MCUR1: variants seen among roughly 807,000 people sequenced by gnomAD.
MCUR1 encodes the protein MCU regulator 1.
A neutral mutation model predicts 42.0 loss-of-function variants in MCUR1; 37 were observed. The ratio of observed to expected loss-of-function variants is 0.88; its 90% CI spans 0.68 to 1.16. The LOEUF is 1.16. Ranked by LOEUF, MCUR1 falls within the 50% of genes most tolerant of loss-of-function variation. MCUR1 has a pLI of 0.00. For missense variants in MCUR1, 469 were observed against 468.4 expected (o/e 1.00, Z -0.01); for synonymous variants, 229 against 196.2 (o/e 1.17, Z -1.40).
Position 13,791,861 on chromosome 6 carries a change from G to C in MCUR1, c.1024+17C>G. The C allele has an allele frequency of 1.3e-6, 2 of 1,545,626 alleles. No individual in the cohort carries two copies. The highest frequency in any genetic ancestry group is 2.3e-5 in the South Asian group (2 of 87,388). ...TTTTCTTTTCAGGTTGATTTAAATA[G>C]ATACAAAATAGCTTACCTGCTAAAT... On this transcript the variant is annotated intron_variant, in intron 8 of 8. Transcript: ENST00000379170.
chr6:13,809,993 A>T (rs1248962783), intron 1 of MCUR1, among the ~76,000 whole-genome samples: 1 of 152,126 alleles, frequency 6.6e-6, no homozygotes, highest in Non-Finnish European at 1.5e-5. Flanking sequence ...TCATGAGGTC[A>T]GGCATTCACG....
rs937102467 is a variant in MCUR1 at position 13,814,094 on chromosome 6, G to A, written c.336C>T (p.Cys112=). 2 of 1,241,588 alleles carry A rather than the reference G, an allele frequency of 1.6e-6. No individual in the cohort carries two copies. Among genetic ancestry groups the A allele is most frequent in the African/African-American group, 3.1e-5 (2 of 64,280 alleles). The allele number at this position is 1,241,588 out of a possible 1,614,324, so 76.9% of individuals were successfully genotyped here. A position where few individuals can be genotyped will look rare whatever the true frequency, so the allele number is the denominator to read the frequency against. Residue 112 remains cysteine (C), a synonymous_variant, in exon 1 of 9, where the codon TGC becomes TGT. Coordinates refer to ENST00000379170, the MANE Select transcript of MCUR1 (RefSeq NM_001031713.4). ...CGGCGGCAGCGGCGACGCCCGGTGA[G>A]CACCTCCACGCGCTGCTGCGCCCGG... The part of the protein sequence containing the change: ...PPAGRSSAWR[C]SPGVAAAAGA...
At chr6:13,799,950 G>A (rs1330282685) in intron 5 of MCUR1, among the ~76,000 whole-genome samples, 1 of 149,074 alleles carries the variant, frequency 6.7e-6, no homozygotes, top group African/African-American at 2.5e-5. Flanking sequence ...TCCTGCCTCA[G>A]TCTCCCAAGT....
intron 6 of MCUR1, among the ~76,000 whole-genome samples, chr6:13,795,468 TATC>T (rs779818937): frequency 2.6e-5 from 4 of 152,208 alleles, no homozygotes; most frequent in Non-Finnish European, 4.4e-5. Flanking sequence ...TGGCTGTAAA[TATC>T]ATAGTTAATT....
chr6:13,799,349 T>A (rs1759936112), intron 5 of MCUR1, among the ~76,000 whole-genome samples: 2 of 152,202 alleles, frequency 1.3e-5, no homozygotes. Context: ...CACGTCTGGC[T>A]AATTTTTGTA....
At chr6:13,803,790 T>C in intron 2 of MCUR1, 1 of 985,374 alleles carries the variant, frequency 1.0e-6, no homozygotes, top group Non-Finnish European at 1.2e-6. Flanking sequence ...GTCTTCCTAG[T>C]TTTTAAAAAC....
rs763153046 is a variant in MCUR1 at position 13,801,333 on chromosome 6, AATC to A, written c.693_695del (p.Met231del). The stretch of plus-strand genomic sequence containing the variant: ...CTGAAAATTCACTCTTCTCCAAAAT[AATC>A]ATATCCTTTTTCACATTCGCAATCT... On this transcript the variant is annotated inframe_deletion, in exon 4 of 9. Transcript: ENST00000379170. 2.5e-6 allele frequency: 4 copies of A among 1,613,284 alleles called. No individual in the cohort carries two copies. Among genetic ancestry groups the A allele is most frequent in the Non-Finnish European group, 3.4e-6 (4 of 1,179,888 alleles).
At chr6:13,800,924 C>T (rs747814019) in intron 4 of MCUR1, among the ~76,000 whole-genome samples, 2 of 152,114 alleles carry the variant, frequency 1.3e-5, no homozygotes, top group African/African-American at 4.8e-5. Flanking sequence ...AAACTGGAAA[C>T]AATTCTAATA....
chr6:13,812,669 A>C (rs1009086670), intron 1 of MCUR1, among the ~76,000 whole-genome samples: 1 of 152,186 alleles, frequency 6.6e-6, no homozygotes, highest in Non-Finnish European at 1.5e-5. Flanking sequence ...TTGCTCTACT[A>C]ATCAGTTTTT....
intron 5 of MCUR1, 53 bp downstream of exon 5, chr6:13,800,288 T>G: frequency 6.7e-6 from 8 of 1,196,980 alleles, no homozygotes; most frequent in Non-Finnish European, 9.5e-6. Context: ...TTATACTTAT[T>G]AATAAGTTTA....
At chr6:13,808,724 T>G (rs1050016105) in intron 1 of MCUR1, among the ~76,000 whole-genome samples, 1 of 152,156 alleles carries the variant, frequency 6.6e-6, no homozygotes, top group African/African-American at 2.4e-5. Context: ...TTCATTCTTC[T>G]CCATGTAGAT....
chr6:13,810,353 T>C (rs6903118), intron 1 of MCUR1, among the ~76,000 whole-genome samples: 32,692 of 152,040 alleles, frequency 0.22, 6,155 homozygotes, highest in African/African-American at 0.5. Context: ...AAAAAAAAGA[T>C]GAACAATCAA....
At position 13,802,293 on chromosome 6, in the gene MCUR1, C is replaced by A. The variant is rs1303104301; in HGVS notation, c.589G>T (p.Glu197Ter). 11 of 1,613,830 alleles carry A rather than the reference C, an allele frequency of 6.8e-6. No individual in the cohort carries two copies. Among genetic ancestry groups the A allele is most frequent in the Non-Finnish European group, 9.3e-6 (11 of 1,179,928 alleles). Reference sequence around the variant, plus strand: ...TTGTAGACGATGTCCATGTTGGCCTCCAGGATCTTGACCAATGCAGACACA... The same window carrying A: ...TTGTAGACGATGTCCATGTTGGCCTACAGGATCTTGACCAATGCAGACACA... The part of the protein sequence containing the change: ...IIVSALVKIL[E>*]ANMDIVYKDM... The change falls in exon 3 of 9, where the codon GAG becomes TAG. Residue 197 changes from glutamate to a stop codon, truncating the protein, a stop_gained. Transcript: ENST00000379170. LOFTEE classifies it high-confidence loss of function.
At chr6:13,794,036 C>G (rs1759797952) in intron 6 of MCUR1, 89 bp from the exon 7 acceptor site, 4 of 1,157,638 alleles carry the variant, frequency 3.5e-6, no homozygotes, top group Non-Finnish European at 3.9e-6. Flanking sequence ...GTCTCAGTAC[C>G]TCCTAGAATA....
intron 1 of MCUR1, 81 bp downstream of exon 1, chr6:13,813,934 G>T (rs953480923): frequency 8.3e-6 from 10 of 1,210,588 alleles, no homozygotes; most frequent in Non-Finnish European, 9.3e-6. Flanking sequence ...GCCTTTCCTC[G>T]GGGAGGCTGT....
chr6:13,806,176 C>T (rs1760106898), intron 2 of MCUR1, among the ~76,000 whole-genome samples: 2 of 152,036 alleles, frequency 1.3e-5, no homozygotes, highest in South Asian at 2.1e-4. Context: ...ATCGCTTGAA[C>T]CCGAGGTGGA....
chr6:13,806,027 G>A lies in MCUR1; in HGVS notation c.535+898C>T, dbSNP rs145522282. 5.1e-3 allele frequency among the ~76,000 whole-genome samples: 769 copies of A among 152,128 alleles called. 5 individuals are homozygous for A. Among genetic ancestry groups the A allele is most frequent in the East Asian group, 0.032 (166 of 5,164 alleles). On this transcript the variant is annotated intron_variant, in intron 2 of 8. Coordinates refer to ENST00000379170, the MANE Select transcript of MCUR1 (RefSeq NM_001031713.4). ...TCCCAGCACTTTAGGAGGCTGAGGC[G>A]GGCAGATCACAAGGTCAGGAGTTCG...
rs1366281527 is a variant in MCUR1, at chr6:13,814,121, C to T, written c.309G>A (p.Pro103=). ...ACCTCCACGCGCTGCTGCGCCCGGC[C>T]GGGGGTGCGGCATACCCGAGGCGCG... ...ERSRLGYAAP[P]AGRSSAWRCS... is the part of the protein sequence containing the mutation. The change falls in exon 1 of 9, where the codon CCG becomes CCA. Residue 103 remains proline (P), a synonymous_variant. Transcript: ENST00000379170. 2 of 1,259,128 alleles carry T rather than the reference C, an allele frequency of 1.6e-6. No homozygotes were observed. Among genetic ancestry groups the T allele is most frequent in the South Asian group, 3.3e-5 (1 of 30,354 alleles). The allele number at this position is 1,259,128 out of a possible 1,614,324, so 78.0% of individuals were successfully genotyped here. A position where few individuals can be genotyped will look rare whatever the true frequency, so the allele number is the denominator to read the frequency against.
intron 6 of MCUR1, 27 bp from the exon 7 acceptor site, chr6:13,793,974 G>A: frequency 6.2e-7 from 1 of 1,606,442 alleles, no homozygotes; most frequent in Non-Finnish European, 8.5e-7. Flanking sequence ...ACATGGGTCA[G>A]ATTCTGATCT....
Sources: allele counts gnomAD v4.1 joint callset (sites outside exome capture counted in the v4.1 genomes callset), GRCh38; gene constraint gnomAD v4.1.1; transcripts MANE v1.5; gene names NCBI Gene and HGNC (gene_info 2026-07-23, HGNC 2026-07-21).